The following TMEM181 variants were observed in gnomAD, a reference collection of about 807,000 sequenced individuals.
TMEM181 encodes transmembrane protein 181.
In TMEM181, 39 loss-of-function variants were observed where a neutral mutation model predicts 71.9. That is an observed-to-expected ratio of 0.54 (90% CI 0.42 to 0.71). TMEM181 has a LOEUF of 0.71. Among genes scored for constraint, TMEM181 ranks in the 30% least tolerant of loss-of-function variants. The pLI, the probability that TMEM181 is intolerant of heterozygous loss-of-function variation, is 0.00. For synonymous variants in TMEM181, 245 were observed against 228.8 expected (o/e 1.07, Z -0.64); for missense variants, 595 against 583.0 (o/e 1.02, Z -0.21).
At position 158,634,160 on chromosome 6, in the gene TMEM181, A is replaced by C. The variant is rs1786811520; in HGVS notation, c.*2272A>C. 1 of 146,716 alleles carries C rather than the reference A, an allele frequency of 6.8e-6. No homozygotes were observed. The highest frequency in any genetic ancestry group is 2.6e-5 in the African/African-American group (1 of 39,046). 9.1% of individuals were successfully genotyped at this position (146,716 alleles called of 1,614,324 possible). A position where few individuals can be genotyped will look rare whatever the true frequency, so the allele number is the denominator to read the frequency against. On this transcript the variant is annotated 3_prime_UTR_variant, in exon 17 of 17. Coordinates refer to ENST00000684151, the MANE Select transcript of TMEM181 (RefSeq NM_001376852.1). Reference sequence around the variant, plus strand: ...TGTAACTAAGTGGGAAATAAGAAAAAAAGTTAGAAAGTACTTAAGGGGAAA... The same window carrying C: ...TGTAACTAAGTGGGAAATAAGAAAACAAGTTAGAAAGTACTTAAGGGGAAA...
intron 1 of TMEM181, among the ~76,000 whole-genome samples, chr6:158,553,212 T>C (rs1781771274): frequency 6.7e-6 from 1 of 150,344 alleles, no homozygotes; most frequent in Non-Finnish European, 1.5e-5. Flanking sequence ...AATTGGGAAA[T>C]GAACCAGACA....
intron 1 of TMEM181, chr6:158,536,936 G>C (rs1781133257): frequency 8.5e-7 from 1 of 1,175,582 alleles, no homozygotes; most frequent in Non-Finnish European, 1.1e-6. Context: ...GGACCCCGGC[G>C]CGCCCCGGCC....
chr6:158,571,257 C>A (rs562200970), intron 1 of TMEM181, among the ~76,000 whole-genome samples: 1 of 152,038 alleles, frequency 6.6e-6, no homozygotes, highest in African/African-American at 2.4e-5. Flanking sequence ...CCACCGCGCC[C>A]GGCTAATTTT....
At chr6:158,629,681 C>T (rs1786548414) in intron 14 of TMEM181, 49 bp from the exon 15 acceptor site, 5 of 1,477,146 alleles carry the variant, frequency 3.4e-6, no homozygotes, top group Middle Eastern at 1.8e-4. Context: ...TAGGCAGAGC[C>T]TCTGACTGAT....
At chr6:158,593,355 G>A (rs1784215553) in intron 6 of TMEM181, among the ~76,000 whole-genome samples, 1 of 152,088 alleles carries the variant, frequency 6.6e-6, no homozygotes, top group South Asian at 2.1e-4. Context: ...GCTGTCTCTG[G>A]GTGGTGGGAT....
chr6:158,550,525 G>A (rs1338293583), intron 1 of TMEM181, among the ~76,000 whole-genome samples: 2 of 151,704 alleles, frequency 1.3e-5, no homozygotes, highest in African/African-American at 4.8e-5. Flanking sequence ...GCGTGGTGTC[G>A]CTTACCTGTA....
At chr6:158,557,377 A>C (rs1781934084), upstream of TMEM181, among the ~76,000 whole-genome samples, 1 of 152,038 alleles carries the variant, frequency 6.6e-6, no homozygotes, top group Non-Finnish European at 1.5e-5. Flanking sequence ...CTCAAAAACA[A>C]ACAGGTCATG....
intron 5 of TMEM181, among the ~76,000 whole-genome samples, chr6:158,585,828 G>T (rs1783737000): frequency 6.6e-6 from 1 of 152,054 alleles, no homozygotes; most frequent in Admixed American, 6.6e-5. Context: ...GGGTTTTTTT[G>T]TTTTATTTTG....
intron 1 of TMEM181, among the ~76,000 whole-genome samples, chr6:158,540,233 G>A (rs147443906): frequency 5.9e-5 from 9 of 152,266 alleles, no homozygotes; most frequent in South Asian, 2.1e-4. Context: ...CACCAAAATG[G>A]TAACAAGGAC....
intron 1 of TMEM181, chr6:158,572,293 G>A: frequency 2.8e-6 from 1 of 357,258 alleles, no homozygotes; most frequent in Non-Finnish European, 5.5e-6. Flanking sequence ...TAACCTTCCT[G>A]CAGGGCCAGG....
chr6:158,614,638 C>T (rs1785512290), intron 10 of TMEM181, among the ~76,000 whole-genome samples: 1 of 152,114 alleles, frequency 6.6e-6, no homozygotes, highest in African/African-American at 2.4e-5. Flanking sequence ...CCTCCAACCT[C>T]CCCCCACCCT....
intron 10 of TMEM181, among the ~76,000 whole-genome samples, chr6:158,622,948 G>C (rs1786048833): frequency 6.6e-6 from 1 of 152,156 alleles, no homozygotes; most frequent in Non-Finnish European, 1.5e-5. Context: ...CTTTTGTCCT[G>C]TAAAATGGCC....
At chr6:158,542,043 T>A (rs1781371771) in intron 1 of TMEM181, among the ~76,000 whole-genome samples, 1 of 151,894 alleles carries the variant, frequency 6.6e-6, no homozygotes, top group Non-Finnish European at 1.5e-5. Flanking sequence ...GTAGCTGAGA[T>A]TACAGGCATG....
chr6:158,538,958 C>T (rs1314745201), intron 1 of TMEM181, among the ~76,000 whole-genome samples: 1 of 152,190 alleles, frequency 6.6e-6, no homozygotes, highest in Admixed American at 6.5e-5. Context: ...AGAGGCTGGG[C>T]CAGGCCCTGA....
upstream of TMEM181, among the ~76,000 whole-genome samples, chr6:158,559,033 C>CA (rs1782010473): frequency 6.6e-6 from 1 of 152,140 alleles, no homozygotes; most frequent in African/African-American, 2.4e-5. Flanking sequence ...GTTTAGGATT[C>CA]AGAGCACTAA....
rs1353605132 is a variant in TMEM181, at chr6:158,583,968, A to G, written c.183A>G (p.Gln61=). 1.2e-6 allele frequency: 2 copies of G among 1,606,098 alleles called. No homozygotes were observed. Among genetic ancestry groups the G allele is most frequent in the African/African-American group, 1.3e-5 (1 of 74,876 alleles). The part of the protein sequence containing the change: ...LNNSKKLKPI[Q]ILSNPLSTYN... ...TTTTTCTTCAGCTAAAGCCAATTCA[A>G]ATACTTTCAAATCCACTGTCTACAT... Residue 61 remains glutamine, a synonymous_variant, in exon 4 of 17, where the codon CAA becomes CAG. Coordinates refer to ENST00000684151, the MANE Select transcript of TMEM181 (RefSeq NM_001376852.1).
intron 5 of TMEM181, 110 bp from the exon 6 acceptor site, chr6:158,589,562 G>T: frequency 2.6e-6 from 2 of 775,334 alleles, no homozygotes; most frequent in Non-Finnish European, 4.4e-6. Context: ...GAGTTCCCTG[G>T]AGACAATGAG....
At chr6:158,592,981 GACACAAGTTTTCTCAT>G (rs1784189963) in intron 6 of TMEM181, among the ~76,000 whole-genome samples, 1 of 152,154 alleles carries the variant, frequency 6.6e-6, no homozygotes, top group Admixed American at 6.5e-5. Flanking sequence ...GAAATGCAAG[GACACAAGTTTTCTCAT>G]ACACATGAGT....
chr6:158,568,167 G>A lies in TMEM181; in HGVS notation c.9-5253G>A, dbSNP rs145781935. Among the ~76,000 whole-genome samples the A allele has an allele frequency of 2.9e-3, 440 of 152,268 alleles. 2 individuals are homozygous for A. The highest frequency in any genetic ancestry group is 1.0e-2 in the African/African-American group (415 of 41,546). On this transcript the variant is annotated intron_variant, in intron 1 of 16. Transcript: ENST00000684151. ...GAGCGAGAGAAGGGCATCTGAGATG[G>A]TGCCAGGTTTCAGGGTACGAGAATG... is the stretch of plus-strand genomic sequence containing the variant.
Sources: gnomAD v4.1 joint callset for allele counts (sites outside exome capture counted in the v4.1 genomes callset) on GRCh38, gnomAD v4.1.1 for gene constraint, MANE v1.5 for transcripts, NCBI Gene and HGNC (gene_info 2026-07-23, HGNC 2026-07-21) for gene names.